Variants in PRIM2 observed in about 807,000 individuals in gnomAD.
PRIM2 encodes DNA primase subunit 2.
A neutral mutation model predicts 67.3 loss-of-function variants in PRIM2; 39 were observed. The ratio of observed to expected loss-of-function variants is 0.58; its 90% CI spans 0.45 to 0.76. PRIM2 has a LOEUF of 0.76. PRIM2 is among the 30% of genes least tolerant of loss of function. The pLI, the probability that PRIM2 is intolerant of heterozygous loss-of-function variation, is 0.00. For missense variants in PRIM2, 398 were observed against 598.7 expected (o/e 0.66, Z 3.50); for synonymous variants, 143 against 198.7 (o/e 0.72, Z 2.36).
At chr6:57,378,936 T>C (rs1354044456) in intron 5 of PRIM2, among the ~76,000 whole-genome samples, 1 of 149,486 alleles carries the variant, frequency 6.7e-6, no homozygotes. Flanking sequence ...TTTTTCTTTA[T>C]TATTATAAAT....
At chr6:57,580,428 A>G (rs1776059877) in intron 10 of PRIM2, among the ~76,000 whole-genome samples, 1 of 152,236 alleles carries the variant, frequency 6.6e-6, no homozygotes, top group East Asian at 1.9e-4. Context: ...AATTTATTTC[A>G]TATGGGTTTT....
intron 7 of PRIM2, among the ~76,000 whole-genome samples, chr6:57,484,370 C>T (rs1259253183): frequency 2.0e-5 from 3 of 152,096 alleles, no homozygotes; most frequent in Non-Finnish European, 2.9e-5. Context: ...CTGTTGTCGT[C>T]GCTTTCTTTT....
chr6:57,400,932 C>G (rs1408339004), intron 7 of PRIM2, among the ~76,000 whole-genome samples: 3 of 152,074 alleles, frequency 2.0e-5, no homozygotes, highest in Non-Finnish European at 4.4e-5. Context: ...TTGTGAAATT[C>G]TTGTATTGTG....
chr6:57,333,737 CTATT>C (rs1768133245), intron 5 of PRIM2, among the ~76,000 whole-genome samples: 1 of 151,516 alleles, frequency 6.6e-6, no homozygotes, highest in Non-Finnish European at 1.5e-5. Flanking sequence ...TCTCAATTTT[CTATT>C]TATTTATTTT....
rs113683654 is a variant in PRIM2, at chr6:57,344,125, C to T, written c.459+18080C>T. 2.9e-3 allele frequency among the ~76,000 whole-genome samples: 438 copies of T among 151,816 alleles called. 2 individuals are homozygous for T. Among genetic ancestry groups the T allele is most frequent in the African/African-American group, 0.01 (418 of 41,400 alleles). On this transcript the variant is annotated intron_variant, in intron 5 of 13. Coordinates refer to ENST00000615550, the MANE Select transcript of PRIM2 (RefSeq NM_000947.5). ...CAAGGAGAGAGTCTTTGTCAAGTGT[C>T]AAACATAACTTCTGAATAGAGAAAT... is the stretch of plus-strand genomic sequence containing the variant.
the PRIM2 span, among the ~76,000 whole-genome samples, chr6:57,300,288 A>G: frequency 5.3e-5 from 8 of 152,290 alleles, no homozygotes; most frequent in East Asian, 5.8e-4. Context: ...GGCTTCAAGT[A>G]TCTTAGTCCA....
chr6:57,290,048 A>G, the PRIM2 span, among the ~76,000 whole-genome samples: 11 of 151,916 alleles, frequency 7.2e-5, no homozygotes, highest in Non-Finnish European at 5.9e-5. Flanking sequence ...TGCTGTATTC[A>G]GGAGACCCGT....
At chr6:57,537,648 G>T in intron 10 of PRIM2, 23 bp downstream of exon 10, 1 of 1,359,872 alleles carries the variant, frequency 7.4e-7, no homozygotes, top group Non-Finnish European at 9.7e-7. Context: ...AAAAATATCA[G>T]AGTGGTACCT....
rs12200748 is a variant in PRIM2, at chr6:57,427,570, G to A, written c.693+45402G>A. ...TGACCTCAAGCAATCCACCTACCTCGGCCTCCCAAAGTGCTGGGATTACAG... is the reference window on the plus strand; with the variant it reads ...TGACCTCAAGCAATCCACCTACCTCAGCCTCCCAAAGTGCTGGGATTACAG... On this transcript the variant is annotated intron_variant, in intron 7 of 13. Transcript: ENST00000615550. 2.0e-5 allele frequency among the ~76,000 whole-genome samples: 3 copies of A among 152,074 alleles called. 1 individual carries two copies. Among genetic ancestry groups the A allele is most frequent in the East Asian group, 3.9e-4 (2 of 5,182 alleles).
chr6:57,351,547 A>G (rs1430844431), intron 5 of PRIM2, among the ~76,000 whole-genome samples: 2 of 152,216 alleles, frequency 1.3e-5, no homozygotes, highest in Non-Finnish European at 2.9e-5. Flanking sequence ...GAAATAGCCT[A>G]AAGACTTGAT....
chr6:57,445,305 G>GGT (rs113754185), intron 7 of PRIM2, among the ~76,000 whole-genome samples: 13 of 151,590 alleles, frequency 8.6e-5, no homozygotes, highest in East Asian at 3.9e-4. Flanking sequence ...TTAGGAGAGG[G>GGT]GTGTGTGTGT....
chr6:57,551,979 A>G (rs1391082310), intron 10 of PRIM2, among the ~76,000 whole-genome samples: 1 of 152,202 alleles, frequency 6.6e-6, no homozygotes. Context: ...TACAATGAAG[A>G]AACTCGAGGC....
At chr6:57,259,152 C>T in the PRIM2 span, among the ~76,000 whole-genome samples, 2 of 152,138 alleles carry the variant, frequency 1.3e-5, no homozygotes, top group Admixed American at 1.3e-4. Flanking sequence ...GGTCACAAGC[C>T]AGAAGTACAT....
chr6:57,461,024 C>T (rs1772986645), intron 7 of PRIM2, among the ~76,000 whole-genome samples: 2 of 152,012 alleles, frequency 1.3e-5, no homozygotes, highest in African/African-American at 2.4e-5. Flanking sequence ...AGATAAAAGT[C>T]TATATTTAAG....
intron 12 of PRIM2, among the ~76,000 whole-genome samples, chr6:57,624,847 A>T (rs1221789848): frequency 6.6e-6 from 1 of 152,210 alleles, no homozygotes. Flanking sequence ...GGCACTTTAT[A>T]AAGAAAAAAA....
chr6:57,222,291 G>C, the PRIM2 span: 1 of 152,232 alleles, frequency 6.6e-6, no homozygotes, highest in Non-Finnish European at 1.5e-5. Context: ...CTGTGGACCC[G>C]CCGCGCTGCG....
the PRIM2 span, among the ~76,000 whole-genome samples, chr6:57,274,845 C>T: frequency 6.6e-5 from 10 of 151,786 alleles, no homozygotes; most frequent in South Asian, 6.3e-4. Context: ...GGTGTGATCT[C>T]GGGTCACTGC....
chr6:57,524,875 AT>A (rs1774713543), intron 8 of PRIM2, among the ~76,000 whole-genome samples: 1 of 152,114 alleles, frequency 6.6e-6, no homozygotes. Context: ...AGAAGGCACT[AT>A]TATATGTACA....
chr6:57,246,622 C>T, the PRIM2 span, among the ~76,000 whole-genome samples: 2 of 152,156 alleles, frequency 1.3e-5, no homozygotes, highest in Middle Eastern at 3.2e-3. Context: ...TTAATAAATC[C>T]ATGCCTGTAC....
Sources: allele counts gnomAD v4.1 joint callset (sites outside exome capture counted in the v4.1 genomes callset), GRCh38; gene constraint gnomAD v4.1.1; transcripts MANE v1.5; gene names NCBI Gene and HGNC (gene_info 2026-07-23, HGNC 2026-07-21).